EPHA6: variants seen among roughly 807,000 people sequenced by gnomAD.
The protein encoded by EPHA6 is EPH receptor A6, also known as ephrin type-A receptor 6.
Under a neutral mutation model 112.0 loss-of-function variants are expected in EPHA6, and 50 were observed. The observed-to-expected ratio is 0.45, with a 90% CI of 0.36 to 0.56. EPHA6 has a LOEUF of 0.56. EPHA6 is among the 20% of genes least tolerant of loss of function. The probability of loss-of-function intolerance (pLI) is 0.00; values close to 1 mark genes in which losing one functional copy is unlikely to be tolerated. For synonymous variants in EPHA6, 529 were observed against 490.7 expected, an observed-to-expected ratio of 1.08 and a Z score of -1.03; for missense variants, 1,280 against 1,417.4, an observed-to-expected ratio of 0.90 and a Z score of 1.56.
intron 7 of EPHA6, among the ~76,000 whole-genome samples, chr3:97,457,884 G>T (rs1459423164): frequency 2.7e-5 from 4 of 150,942 alleles, no homozygotes; most frequent in Non-Finnish European, 5.9e-5. Context: ...GGCTAACATG[G>T]TGAAACCCCC....
intron 3 of EPHA6, among the ~76,000 whole-genome samples, chr3:97,059,391 T>G (rs2045949271): frequency 6.6e-6 from 1 of 152,160 alleles, no homozygotes; most frequent in Non-Finnish European, 1.5e-5. Context: ...TGGGGAAGAT[T>G]ATCATTTTAC....
At chr3:97,255,879 A>T (rs949808149) in intron 5 of EPHA6, among the ~76,000 whole-genome samples, 1 of 152,162 alleles carries the variant, frequency 6.6e-6, no homozygotes, top group African/African-American at 2.4e-5. Context: ...TAGGTATTAG[A>T]TGTAGCCAAT....
chr3:97,040,095 GATT>G (rs2045260477), intron 3 of EPHA6, among the ~76,000 whole-genome samples: 1 of 150,948 alleles, frequency 6.6e-6, no homozygotes, highest in South Asian at 2.1e-4. Context: ...ATAAAATAAT[GATT>G]ATTATAATGA....
chr3:97,666,165 G>A (rs759831862), intron 14 of EPHA6, among the ~76,000 whole-genome samples: 1 of 151,790 alleles, frequency 6.6e-6, no homozygotes, highest in Non-Finnish European at 1.5e-5. Context: ...CCTTGTTTCC[G>A]ATTCTGTTTC....
At chr3:97,245,840 A>C (rs2078973135) in intron 5 of EPHA6, among the ~76,000 whole-genome samples, 1 of 151,892 alleles carries the variant, frequency 6.6e-6, no homozygotes, top group East Asian at 1.9e-4. Flanking sequence ...TACATGATAA[A>C]TGTCATGCAC....
intron 9 of EPHA6, among the ~76,000 whole-genome samples, chr3:97,480,729 C>A (rs1291529912): frequency 1.3e-5 from 2 of 152,248 alleles, no homozygotes; most frequent in African/African-American, 4.8e-5. Context: ...ATGGCCCGTT[C>A]TCAATGAGCT....
chr3:97,026,819 C>T (rs895272333), intron 3 of EPHA6, among the ~76,000 whole-genome samples: 4 of 152,052 alleles, frequency 2.6e-5, no homozygotes, highest in African/African-American at 9.7e-5. Context: ...AAAAAGAAAT[C>T]ATATTTATAC....
chr3:97,040,414 T>G (rs1231919827), intron 3 of EPHA6, among the ~76,000 whole-genome samples: 1 of 152,006 alleles, frequency 6.6e-6, no homozygotes, highest in African/African-American at 2.4e-5. Flanking sequence ...ATCTGAGATT[T>G]CATATCAAAA....
chr3:97,440,747 A>AATTTTG (rs1271982696), intron 6 of EPHA6, among the ~76,000 whole-genome samples: 1 of 151,686 alleles, frequency 6.6e-6, no homozygotes, highest in Non-Finnish European at 1.5e-5. Flanking sequence ...TAAAATCAAA[A>AATTTTG]ATTAATGAAA....
At position 97,240,856 on chromosome 3, in the gene EPHA6, T is replaced by C. The variant is rs182754922; in HGVS notation, c.1271-3096T>C. On this transcript the variant is annotated intron_variant, in intron 4 of 17. Transcript: ENST00000389672. ...CATCAGTCCACCAAAAGAGTCTTAT[T>C]TGAGCAACAAACTGATTTTTGTGTG... Among the ~76,000 whole-genome samples the C allele has an allele frequency of 1.1e-3, 170 of 152,004 alleles. 4 individuals carry two copies. Among genetic ancestry groups the C allele is most frequent in the Admixed American group, 0.011 (169 of 15,224 alleles).
chr3:97,212,838 G>A (rs904745167), intron 3 of EPHA6, among the ~76,000 whole-genome samples: 1 of 152,228 alleles, frequency 6.6e-6, no homozygotes, highest in African/African-American at 2.4e-5. Context: ...TCAGGAATAT[G>A]GTGTTAGTTT....
chr3:97,355,869 G>T (rs913381485), intron 5 of EPHA6, among the ~76,000 whole-genome samples: 37 of 152,114 alleles, frequency 2.4e-4, no homozygotes, highest in Admixed American at 2.3e-3. Context: ...ACAAAAAAAG[G>T]GCAGGAGTAG....
chr3:97,280,520 A>C (rs1376650745), intron 5 of EPHA6, among the ~76,000 whole-genome samples: 3 of 152,028 alleles, frequency 2.0e-5, no homozygotes, highest in Admixed American at 1.3e-4. Context: ...TTCTCAAGGT[A>C]CTTCATTTTT....
intron 10 of EPHA6, among the ~76,000 whole-genome samples, chr3:97,528,144 T>C (rs1401666922): frequency 1.3e-5 from 2 of 152,140 alleles, no homozygotes; most frequent in Admixed American, 6.6e-5. Context: ...TGACCTTGCC[T>C]TTGTCTGTAC....
chr3:96,830,285 T>C (rs111426310), intron 1 of EPHA6, among the ~76,000 whole-genome samples: 1 of 152,066 alleles, frequency 6.6e-6, no homozygotes, highest in Admixed American at 6.6e-5. Flanking sequence ...AACTCGAACA[T>C]GTTTTATATT....
chr3:97,447,017 AATT>A (rs1213011481), intron 6 of EPHA6, among the ~76,000 whole-genome samples: 5 of 152,082 alleles, frequency 3.3e-5, no homozygotes, highest in African/African-American at 1.2e-4. Context: ...TTCTTAATTC[AATT>A]TTTTTCCTTG....
intron 12 of EPHA6, among the ~76,000 whole-genome samples, chr3:97,600,851 A>T (rs2093637706): frequency 6.6e-6 from 1 of 151,764 alleles, no homozygotes; most frequent in South Asian, 2.1e-4. Context: ...GCTCTTGAGC[A>T]TTACAAAGAG....
intron 2 of EPHA6, among the ~76,000 whole-genome samples, chr3:96,948,636 G>T (rs2041391185): frequency 6.6e-6 from 1 of 152,054 alleles, no homozygotes; most frequent in South Asian, 2.1e-4. Context: ...TTTGATTAGT[G>T]GTGTTTCCTC....
intron 3 of EPHA6, among the ~76,000 whole-genome samples, chr3:97,031,296 C>A (rs1310922056): frequency 6.6e-6 from 1 of 152,064 alleles, no homozygotes; most frequent in African/African-American, 2.4e-5. Context: ...AAAATTAATT[C>A]AAGATGGATT....
Sources: gnomAD v4.1 joint callset for allele counts (sites outside exome capture counted in the v4.1 genomes callset) on GRCh38, gnomAD v4.1.1 for gene constraint, MANE v1.5 for transcripts, NCBI Gene and HGNC (gene_info 2026-07-23, HGNC 2026-07-21) for gene names.